Variants in RGS22 observed in about 807,000 individuals in gnomAD.
RGS22 encodes the protein regulator of G protein signaling 22.
In RGS22, 148 loss-of-function variants were observed where a neutral mutation model predicts 172.9. The ratio of observed to expected loss-of-function variants is 0.86; its 90% CI spans 0.75 to 0.98. The LOEUF is 0.98. Among genes scored for constraint, RGS22 ranks in the 50% least tolerant of loss-of-function variants. RGS22 has a pLI of 0.00. For missense variants in RGS22, 1,347 were observed against 1,440.8 expected (o/e 0.93, Z 1.05); for synonymous variants, 458 against 480.2 (o/e 0.95, Z 0.60).
At chr8:100,007,245 G>A (rs775108986) in intron 15 of RGS22, among the ~76,000 whole-genome samples, 5 of 152,176 alleles carry the variant, frequency 3.3e-5, no homozygotes, top group Non-Finnish European at 7.4e-5. Flanking sequence ...GAATAACAAT[G>A]CAAAGGCAGC....
At chr8:100,035,666 T>A (rs1819366660) in intron 14 of RGS22, among the ~76,000 whole-genome samples, 1 of 152,230 alleles carries the variant, frequency 6.6e-6, no homozygotes, top group Non-Finnish European at 1.5e-5. Flanking sequence ...CATGTATGTT[T>A]ACTGTGGCAC....
chr8:99,981,942 C>T lies in RGS22; in HGVS notation c.3355G>A (p.Ala1119Thr), dbSNP rs200869556. Residue 1119 changes from alanine (A) to threonine (T), a missense_variant, in exon 22 of 28, where the codon GCA becomes ACA. Ala to Thr is a moderately conservative substitution (Grantham distance 58). Coordinates refer to ENST00000360863, the MANE Select transcript of RGS22 (RefSeq NM_015668.5). ...CACATGCCCTGATCTCTTACCTGTG[C>T]CTCTCTAAATACATATGGTCCTAAC... Reference protein sequence around the residue: ...KELGPYVFREAQMTIFGVLFK... With the variant: ...KELGPYVFRETQMTIFGVLFK... The T allele has an allele frequency of 3.0e-5, 49 of 1,607,584 alleles. No individual in the cohort carries two copies. The African/African-American group carries it at 5.0e-4, about 16-fold the overall frequency.
chr8:100,018,049 G>A (rs1817195700), intron 14 of RGS22, among the ~76,000 whole-genome samples: 1 of 152,060 alleles, frequency 6.6e-6, no homozygotes, highest in Non-Finnish European at 1.5e-5. Flanking sequence ...TACAAGCACT[G>A]CCTGTCTGTG....
chr8:100,035,137 T>C (rs1355253342), intron 14 of RGS22, among the ~76,000 whole-genome samples: 1 of 152,072 alleles, frequency 6.6e-6, no homozygotes, highest in Non-Finnish European at 1.5e-5. Context: ...AGTTTCTGCA[T>C]GGCAAAAGAA....
Position 100,069,822 on chromosome 8 carries a change from G to A in RGS22, c.594+1547C>T, listed in dbSNP as rs925449467. 2.6e-5 allele frequency among the ~76,000 whole-genome samples: 4 copies of A among 152,046 alleles called. 1 individual carries two copies. Among genetic ancestry groups the A allele is most frequent in the Middle Eastern group, 6.8e-3 (2 of 294 alleles). Reference sequence around the variant, plus strand: ...TAAAGGGAGCAGAGCACCTGACCTCGTGATCGACCAGCCTGACCAACATGG... The same window carrying A: ...TAAAGGGAGCAGAGCACCTGACCTCATGATCGACCAGCCTGACCAACATGG... On this transcript the variant is annotated intron_variant, in intron 6 of 27. Coordinates refer to ENST00000360863, the MANE Select transcript of RGS22 (RefSeq NM_015668.5).
At position 100,047,964 on chromosome 8, in the gene RGS22, G is replaced by C. The variant is rs934068947; in HGVS notation, c.1690-368C>G. Among the ~76,000 whole-genome samples, 7 of 18,848 alleles carry C rather than the reference G, an allele frequency of 3.7e-4. No individual in the cohort carries two copies. The South Asian group carries it at 7.4e-3, about 20-fold the overall frequency. 12.4% of individuals were successfully genotyped at this position (18,848 alleles called of 152,430 possible). The stretch of plus-strand genomic sequence containing the variant: ...TGTGGCGAGGGCTGTGTGTGTACTG[G>C]GGGGGGGTGCGGGTGTCAGCGGTCA... On this transcript the variant is annotated intron_variant, in intron 10 of 27. Coordinates refer to ENST00000360863, the MANE Select transcript of RGS22 (RefSeq NM_015668.5).
Position 99,978,080 on chromosome 8 carries a change from A to AT in RGS22, c.3361-6dup. 1 of 1,500,308 alleles carries AT rather than the reference A, an allele frequency of 6.7e-7. No individual in the cohort carries two copies. Among genetic ancestry groups the AT allele is most frequent in the Non-Finnish European group, 8.8e-7 (1 of 1,132,172 alleles). The allele number at this position is 1,500,308 out of a possible 1,614,324, so 92.9% of individuals were successfully genotyped here. A position where few individuals can be genotyped will look rare whatever the true frequency, so the allele number is the denominator to read the frequency against. On this transcript the variant is annotated splice_polypyrimidine_tract_variant and splice_region_variant and intron_variant, in intron 22 of 27. Coordinates refer to ENST00000360863, the MANE Select transcript of RGS22 (RefSeq NM_015668.5). ...CAGAACCCCAAAAATTGTCATCTGT[A>AT]TAAAAAAAAGTCTAAGATTACAATT...
chr8:100,104,214 T>C (rs1184337342), intron 2 of RGS22, among the ~76,000 whole-genome samples: 1 of 152,080 alleles, frequency 6.6e-6, no homozygotes, highest in East Asian at 1.9e-4. Flanking sequence ...GTGACTCAGA[T>C]GGCTGAGACA....
At chr8:100,100,514 TCCTGA>T (rs1813389428) in intron 2 of RGS22, among the ~76,000 whole-genome samples, 1 of 152,180 alleles carries the variant, frequency 6.6e-6, no homozygotes, top group East Asian at 1.9e-4. Flanking sequence ...GGTCTCGAAC[TCCTGA>T]CCTCAGGTGA....
chr8:100,089,292 T>C (rs1290393773), intron 3 of RGS22, among the ~76,000 whole-genome samples: 1 of 152,028 alleles, frequency 6.6e-6, no homozygotes. Flanking sequence ...AGTTTACTCC[T>C]TCACAAGTCA....
intron 23 of RGS22, among the ~76,000 whole-genome samples, chr8:99,972,169 A>G (rs955571400): frequency 6.6e-6 from 1 of 152,194 alleles, no homozygotes; most frequent in Non-Finnish European, 1.5e-5. Flanking sequence ...CTATTTAATA[A>G]ATGGTGTTGG....
chr8:100,105,512 C>A, intron 1 of RGS22, 110 bp from the exon 2 acceptor site: 1 of 855,744 alleles, frequency 1.2e-6, no homozygotes, highest in South Asian at 1.5e-5. Flanking sequence ...GCAAACGTAG[C>A]ACATTTCTGG....
intron 6 of RGS22, among the ~76,000 whole-genome samples, chr8:100,070,507 A>C (rs1022530227): frequency 3.3e-5 from 5 of 152,208 alleles, no homozygotes; most frequent in African/African-American, 1.2e-4. Context: ...TTTCTCGGAC[A>C]GTTAATTTCA....
At chr8:100,040,507 C>T (rs910102159) in intron 12 of RGS22, among the ~76,000 whole-genome samples, 2 of 152,082 alleles carry the variant, frequency 1.3e-5, no homozygotes, top group African/African-American at 2.4e-5. Context: ...TCTCCAAGGC[C>T]TCTCGGTGCT....
intron 11 of RGS22, chr8:100,046,312 C>T (rs1157866267): frequency 6.6e-6 from 1 of 151,924 alleles, no homozygotes; most frequent in Non-Finnish European, 1.5e-5. Context: ...TTCAGCTCAT[C>T]TCCTGCTTTT....
chr8:100,043,471 G>C (rs1288630375), intron 11 of RGS22, among the ~76,000 whole-genome samples: 1 of 152,036 alleles, frequency 6.6e-6, no homozygotes, highest in Non-Finnish European at 1.5e-5. Flanking sequence ...CCTTTAGCTA[G>C]ACTAACCAAG....
At chr8:100,078,702 T>C (rs1425997553) in intron 4 of RGS22, among the ~76,000 whole-genome samples, 1 of 152,164 alleles carries the variant, frequency 6.6e-6, no homozygotes, top group East Asian at 1.9e-4. Flanking sequence ...CACAGCTCAC[T>C]GCAGCCTTAA....
At chr8:100,103,505 C>T (rs1366968764) in intron 2 of RGS22, among the ~76,000 whole-genome samples, 1 of 152,086 alleles carries the variant, frequency 6.6e-6, no homozygotes, top group Non-Finnish European at 1.5e-5. Context: ...TGTGGAGGGG[C>T]CTGGGGAGAA....
rs371492333 is a variant in RGS22 at position 100,059,645 on chromosome 8, A to T, written c.1514+2946T>A. Among the ~76,000 whole-genome samples the T allele has an allele frequency of 4.6e-5, 7 of 152,298 alleles. No individual in the cohort carries two copies. The South Asian group carries it at 1.4e-3, about 32-fold the overall frequency. On this transcript the variant is annotated intron_variant, in intron 9 of 27. Transcript: ENST00000360863. ...TGGAGCACTCTGATATATAAAGGAA[A>T]TATTATTAGAACTACAAAGAGAGAT...
Sources: allele counts gnomAD v4.1 joint callset (sites outside exome capture counted in the v4.1 genomes callset), GRCh38; gene constraint gnomAD v4.1.1; transcripts MANE v1.5; gene names NCBI Gene and HGNC (gene_info 2026-07-23, HGNC 2026-07-21).